WDR72: variants seen among roughly 807,000 people sequenced by gnomAD.
WDR72 encodes the protein WD repeat domain 72.
WDR72 carries 120 observed loss-of-function variants against 124.2 expected under a neutral mutation model. The observed-to-expected ratio is 0.97, with a 90% CI of 0.83 to 1.12. WDR72 has a LOEUF of 1.12. Ranked by LOEUF, WDR72 falls within the 50% of genes most tolerant of loss-of-function variation. The pLI, the probability that WDR72 is intolerant of heterozygous loss-of-function variation, is 0.00. For synonymous variants in WDR72, 452 were observed against 441.7 expected (o/e 1.02, Z -0.29); for missense variants, 1,387 against 1,278.8 (o/e 1.08, Z -1.29).
intron 3 of WDR72, among the ~76,000 whole-genome samples, chr15:53,717,767 T>C (rs690650): frequency 0.067 from 10,227 of 152,138 alleles, 1,177 homozygotes; most frequent in African/African-American, 0.23. Flanking sequence ...CCATTAGTAC[T>C]GAGGTTGAGA....
intron 14 of WDR72, among the ~76,000 whole-genome samples, chr15:53,617,452 T>C (rs1257898519): frequency 6.6e-6 from 1 of 151,664 alleles, no homozygotes; most frequent in Non-Finnish European, 1.5e-5. Context: ...ACAGTGATGA[T>C]ATATTTAATT....
At chr15:53,663,574 G>A (rs2015679113) in intron 14 of WDR72, among the ~76,000 whole-genome samples, 1 of 152,128 alleles carries the variant, frequency 6.6e-6, no homozygotes, top group African/African-American at 2.4e-5. Flanking sequence ...TTTACCTTCT[G>A]GGAGTTAAAT....
chr15:53,750,315 G>T (rs2018743594), intron 1 of WDR72, among the ~76,000 whole-genome samples: 2 of 152,080 alleles, frequency 1.3e-5, no homozygotes, highest in South Asian at 4.1e-4. Context: ...GAACCAGAAA[G>T]CCTGGATGAC....
chr15:53,715,733 G>A (rs1180622820), intron 4 of WDR72, among the ~76,000 whole-genome samples: 1 of 152,160 alleles, frequency 6.6e-6, no homozygotes, highest in East Asian at 1.9e-4. Context: ...GCTATGGTGG[G>A]AAGACCACTT....
Position 53,517,364 on chromosome 15 carries a change from T to C in WDR72, c.*335A>G. 1 of 311,654 alleles carries C rather than the reference T, an allele frequency of 3.2e-6. No individual in the cohort carries two copies. Among genetic ancestry groups the C allele is most frequent in the Middle Eastern group, 1.1e-3 (1 of 912 alleles). 19.3% of individuals were successfully genotyped at this position (311,654 alleles called of 1,614,324 possible). On this transcript the variant is annotated 3_prime_UTR_variant, in exon 20 of 20. Coordinates refer to ENST00000360509, the MANE Select transcript of WDR72 (RefSeq NM_182758.4). ...TTATATAATTCAGGGACTAAAAGGATAGGAGAAAATTTAAAGCAGTATTAA... is the reference window on the plus strand; with the variant it reads ...TTATATAATTCAGGGACTAAAAGGACAGGAGAAAATTTAAAGCAGTATTAA...
intron 13 of WDR72, among the ~76,000 whole-genome samples, chr15:53,673,732 G>A (rs989337786): frequency 6.6e-6 from 1 of 152,176 alleles, no homozygotes; most frequent in Non-Finnish European, 1.5e-5. Context: ...GCTCACACCT[G>A]TAATCCCAGC....
intron 14 of WDR72, among the ~76,000 whole-genome samples, chr15:53,642,928 T>C (rs2140414660): frequency 6.6e-6 from 1 of 152,150 alleles, no homozygotes; most frequent in Non-Finnish European, 1.5e-5. Flanking sequence ...GGGAACTGTG[T>C]TACCTCCCTT....
At chr15:53,593,840 T>C (rs534142986) in intron 18 of WDR72, among the ~76,000 whole-genome samples, 1 of 151,876 alleles carries the variant, frequency 6.6e-6, no homozygotes, top group South Asian at 2.1e-4. Flanking sequence ...TTTTAATGAG[T>C]ATGATAAAAA....
intron 1 of WDR72, among the ~76,000 whole-genome samples, chr15:53,757,322 G>A (rs551552450): frequency 4.0e-4 from 61 of 152,192 alleles, no homozygotes; most frequent in Non-Finnish European, 7.2e-4. Context: ...ATGATGTAGC[G>A]ATAGAATTAT....
intron 2 of WDR72, among the ~76,000 whole-genome samples, chr15:53,726,860 C>T (rs946762019): frequency 2.6e-5 from 4 of 151,362 alleles, no homozygotes; most frequent in East Asian, 2.0e-4. Context: ...AAACAAACAC[C>T]CAATTTTAAA....
At chr15:53,575,879 C>T (rs115924465) in intron 18 of WDR72, among the ~76,000 whole-genome samples, 2 of 152,100 alleles carry the variant, frequency 1.3e-5, no homozygotes, top group Admixed American at 6.6e-5. Context: ...TCACTATCTA[C>T]CAGGGTAGAA....
intron 19 of WDR72, 125 bp from the exon 20 acceptor site, chr15:53,517,879 A>T: frequency 1.1e-6 from 1 of 895,376 alleles, no homozygotes. Context: ...AAGGGAGAGA[A>T]TGAGGAAAAA....
chr15:53,587,528 T>C (rs1223339131), intron 18 of WDR72, among the ~76,000 whole-genome samples: 1 of 152,030 alleles, frequency 6.6e-6, no homozygotes, highest in Non-Finnish European at 1.5e-5. Context: ...TTACTTACCA[T>C]TTATTTTTCC....
chr15:53,711,706 T>C (rs2140548063), intron 7 of WDR72, among the ~76,000 whole-genome samples: 1 of 152,330 alleles, frequency 6.6e-6, no homozygotes. Flanking sequence ...TTCCAGAGTG[T>C]GTACACTAAA....
intron 18 of WDR72, among the ~76,000 whole-genome samples, chr15:53,583,473 A>G (rs2012037937): frequency 1.3e-5 from 2 of 151,978 alleles, no homozygotes; most frequent in Admixed American, 6.6e-5. Context: ...GAAATTCTGA[A>G]AACTCCTTTG....
chr15:53,559,248 A>T (rs1183683633), intron 18 of WDR72, among the ~76,000 whole-genome samples: 12 of 152,120 alleles, frequency 7.9e-5, no homozygotes, highest in Non-Finnish European at 1.5e-5. Context: ...GACTAGAAAG[A>T]AGAAAGAGTC....
At chr15:53,679,926 C>A (rs2016319437) in intron 13 of WDR72, among the ~76,000 whole-genome samples, 1 of 136,804 alleles carries the variant, frequency 7.3e-6, no homozygotes, top group African/African-American at 2.8e-5. Context: ...AGTAATCAAA[C>A]ATGCTATATA....
At chr15:53,709,868 C>A (rs981473677) in intron 9 of WDR72, among the ~76,000 whole-genome samples, 2 of 152,194 alleles carry the variant, frequency 1.3e-5, no homozygotes, top group Non-Finnish European at 2.9e-5. Flanking sequence ...AGCTATGCTG[C>A]CTAATTAAGC....
At chr15:53,668,974 G>GAGGAGGAGGAGGAGGAGA (rs2015885666) in intron 13 of WDR72, among the ~76,000 whole-genome samples, 3 of 112,890 alleles carry the variant, frequency 2.7e-5, no homozygotes, top group Admixed American at 1.0e-4. Context: ...GGAGGAGGAG[G>GAGGAGGAGGAGGAGGAGA]AGGAGAAGGA....
Sources: allele counts gnomAD v4.1 joint callset (sites outside exome capture counted in the v4.1 genomes callset), GRCh38; gene constraint gnomAD v4.1.1; transcripts MANE v1.5; gene names NCBI Gene and HGNC (gene_info 2026-07-23, HGNC 2026-07-21).